Variants in NUP35 observed in about 807,000 individuals in gnomAD.
The protein encoded by NUP35 is nucleoporin NUP35.
In NUP35, 25 loss-of-function variants were observed where a neutral mutation model predicts 41.5. The observed-to-expected ratio is 0.60, with a 90% CI of 0.44 to 0.84. The LOEUF (loss-of-function observed/expected upper bound fraction) is 0.84. NUP35 is among the 40% of genes least tolerant of loss of function. The pLI is 0.00. For synonymous variants in NUP35, 149 were observed against 130.7 expected, an observed-to-expected ratio of 1.14 and a Z score of -0.96; for missense variants, 396 against 396.6, an observed-to-expected ratio of 1.00 and a Z score of 0.01.
intron 5 of NUP35, among the ~76,000 whole-genome samples, chr2:183,153,809 A>G (rs1007168948): frequency 6.6e-6 from 1 of 152,332 alleles, no homozygotes; most frequent in African/African-American, 2.4e-5. Context: ...GCAGTGCCCT[A>G]GTAGGGACCC....
At chr2:183,143,160 A>AAC (rs1319415349) in intron 4 of NUP35, among the ~76,000 whole-genome samples, 3 of 151,296 alleles carry the variant, frequency 2.0e-5, no homozygotes, top group Non-Finnish European at 4.4e-5. Flanking sequence ...CATCTCAAAA[A>AAC]AAAAAAAAAA....
chr2:183,127,411 C>T (rs1684533137), intron 1 of NUP35, among the ~76,000 whole-genome samples: 1 of 151,872 alleles, frequency 6.6e-6, no homozygotes, highest in Admixed American at 6.6e-5. Context: ...AGTCACCATG[C>T]CCAGCTGTGA....
chr2:183,150,099 G>A (rs1685412174), intron 4 of NUP35, among the ~76,000 whole-genome samples: 1 of 151,964 alleles, frequency 6.6e-6, no homozygotes, highest in Non-Finnish European at 1.5e-5. Flanking sequence ...TAGAGATGGG[G>A]TTTCACCATG....
intron 4 of NUP35, among the ~76,000 whole-genome samples, chr2:183,151,264 A>G (rs912686234): frequency 2.6e-5 from 4 of 152,222 alleles, no homozygotes; most frequent in Non-Finnish European, 4.4e-5. Flanking sequence ...GACATGCTTA[A>G]TAAAACATTT....
intron 4 of NUP35, among the ~76,000 whole-genome samples, chr2:183,146,722 G>A (rs1685292072): frequency 1.3e-5 from 2 of 151,780 alleles, no homozygotes; most frequent in South Asian, 2.1e-4. Context: ...TCAGCTTCCC[G>A]AGTAGCTGGG....
intron 4 of NUP35, among the ~76,000 whole-genome samples, chr2:183,150,613 T>G (rs1441572531): frequency 2.0e-5 from 3 of 151,840 alleles, no homozygotes; most frequent in Non-Finnish European, 2.9e-5. Flanking sequence ...TTTATTTTTT[T>G]TTCTCTGTAG....
chr2:183,124,110 A>G, upstream of NUP35, among the ~76,000 whole-genome samples: 1 of 152,204 alleles, frequency 6.6e-6, no homozygotes, highest in South Asian at 2.1e-4. Context: ...GACCGATGAT[A>G]GAGCACTGGG....
chr2:183,137,903 G>A (rs1684936648), intron 4 of NUP35, among the ~76,000 whole-genome samples: 1 of 151,882 alleles, frequency 6.6e-6, no homozygotes, highest in Admixed American at 6.6e-5. Flanking sequence ...AAGTAGAAAA[G>A]CGCATGATTA....
At chr2:183,142,405 A>G (rs79892605) in intron 4 of NUP35, among the ~76,000 whole-genome samples, 8,197 of 147,818 alleles carry the variant, frequency 0.055, 284 homozygotes, top group Middle Eastern at 0.085. Context: ...GTTATCATTT[A>G]TATCTGTATG....
intron 1 of NUP35, among the ~76,000 whole-genome samples, chr2:183,126,388 AT>A (rs948434032): frequency 2.4e-4 from 36 of 151,598 alleles, no homozygotes; most frequent in Admixed American, 1.6e-3. Flanking sequence ...TTTTGCTATA[AT>A]TTTTTTTTCT....
At chr2:183,145,674 C>CCTAA (rs1685254209) in intron 4 of NUP35, among the ~76,000 whole-genome samples, 1 of 152,076 alleles carries the variant, frequency 6.6e-6, no homozygotes. Flanking sequence ...TAACACAAGA[C>CCTAA]TTAGGTGTTA....
chr2:183,152,272 C>G (rs11894093), intron 5 of NUP35, among the ~76,000 whole-genome samples: 31,857 of 151,846 alleles, frequency 0.21, 3,909 homozygotes, highest in African/African-American at 0.33. Flanking sequence ...CTTTAAAATG[C>G]CTTTTTTTAA....
chr2:183,148,513 A>G (rs1575130096), intron 4 of NUP35, among the ~76,000 whole-genome samples: 1 of 152,070 alleles, frequency 6.6e-6, no homozygotes, highest in East Asian at 1.9e-4. Flanking sequence ...GGGTAAGGTG[A>G]TGATGTAGTT....
At chr2:183,141,375 A>G (rs1048185499) in intron 4 of NUP35, among the ~76,000 whole-genome samples, 1 of 152,218 alleles carries the variant, frequency 6.6e-6, no homozygotes, top group Non-Finnish European at 1.5e-5. Flanking sequence ...TTCAGGGATT[A>G]GAATGTTGTT....
intron 2 of NUP35, 33 bp from the exon 3 acceptor site, chr2:183,130,385 C>CA: frequency 7.6e-7 from 1 of 1,324,396 alleles, no homozygotes; most frequent in Non-Finnish European, 1.0e-6. Flanking sequence ...AAAGAAGAAT[C>CA]CCTTTTTTTT....
Position 183,161,076 on chromosome 2 carries a change from CA to C in NUP35, c.933del (p.Asp312MetfsTer26). On this transcript the variant is annotated frameshift_variant, in exon 9 of 9. Transcript: ENST00000295119. LOFTEE classifies it high-confidence loss of function. Reference protein sequence around the residue: ...DYQVISDRQTPKKDESLVSKA... With the variant: ...DYQVISDRQTXKKDESLVSKA... ...TAGGTTATTTCTGACAGACAAACGC[CA>C]AAAAAAGATGAAAGTCTTGTATCCA... The C allele has an allele frequency of 2.5e-6, 4 of 1,611,190 alleles. No individual in the cohort carries two copies. Among genetic ancestry groups the C allele is most frequent in the Non-Finnish European group, 3.4e-6 (4 of 1,178,430 alleles).
chr2:183,126,331 A>G (rs1376508257), intron 1 of NUP35, among the ~76,000 whole-genome samples: 5 of 152,218 alleles, frequency 3.3e-5, no homozygotes, highest in African/African-American at 1.2e-4. Flanking sequence ...CTGTGTCTGT[A>G]TGTATCCAGA....
chr2:183,143,042 G>C (rs1685154148), intron 4 of NUP35, among the ~76,000 whole-genome samples: 2 of 151,436 alleles, frequency 1.3e-5, no homozygotes, highest in African/African-American at 4.8e-5. Flanking sequence ...TGTAGTCCCA[G>C]CTACTCGGGA....
intron 6 of NUP35, among the ~76,000 whole-genome samples, chr2:183,158,048 C>CATT (rs57524147): frequency 0.82 from 124,463 of 151,792 alleles, 51,755 homozygotes; most frequent in East Asian, 0.99. Context: ...TTACAATAAA[C>CATT]ATATTTTGAG....
Sources: allele counts gnomAD v4.1 joint callset (sites outside exome capture counted in the v4.1 genomes callset), GRCh38; gene constraint gnomAD v4.1.1; transcripts MANE v1.5; gene names NCBI Gene and HGNC (gene_info 2026-07-23, HGNC 2026-07-21).